FILIP1L: variants seen among roughly 807,000 people sequenced by gnomAD.
The protein encoded by FILIP1L is filamin A interacting protein 1 like.
In FILIP1L, 55 loss-of-function variants were observed where a neutral mutation model predicts 96.6. The ratio of observed to expected loss-of-function variants is 0.57; its 90% CI spans 0.46 to 0.71. The LOEUF is 0.71. Ranked by LOEUF, FILIP1L falls within the 30% of genes least tolerant of loss-of-function variation. The probability of loss-of-function intolerance (pLI) is 0.00; values close to 1 mark genes in which losing one functional copy is unlikely to be tolerated. For synonymous variants in FILIP1L, 467 were observed against 473.9 expected (o/e 0.99, Z 0.19); for missense variants, 1,304 against 1,321.2 (o/e 0.99, Z 0.20).
intron 1 of FILIP1L, among the ~76,000 whole-genome samples, chr3:99,978,453 A>T (rs1002103597): frequency 1.3e-5 from 2 of 152,260 alleles, no homozygotes; most frequent in Non-Finnish European, 2.9e-5. Context: ...CTAGTCAGCC[A>T]TAAAAAAAGA....
intron 1 of FILIP1L, among the ~76,000 whole-genome samples, chr3:99,968,296 G>C (rs1708712846): frequency 6.6e-6 from 1 of 152,126 alleles, no homozygotes; most frequent in East Asian, 1.9e-4. Context: ...AGAAAGTTTG[G>C]TCTTATTGTA....
At chr3:100,087,038 C>T (rs1257642854) in intron 1 of FILIP1L, among the ~76,000 whole-genome samples, 3 of 152,174 alleles carry the variant, frequency 2.0e-5, no homozygotes, top group Non-Finnish European at 2.9e-5. Context: ...ACAGTTTGTT[C>T]CTTTTTGCTG....
At chr3:100,029,263 T>C (rs2064982434) in intron 1 of FILIP1L, among the ~76,000 whole-genome samples, 1 of 151,866 alleles carries the variant, frequency 6.6e-6, no homozygotes, top group Non-Finnish European at 1.5e-5. Flanking sequence ...AAAATTAATT[T>C]TAAAATATAT....
chr3:100,113,760 A>T (rs1346607865), intron 1 of FILIP1L, among the ~76,000 whole-genome samples: 1 of 152,220 alleles, frequency 6.6e-6, no homozygotes, highest in Non-Finnish European at 1.5e-5. Flanking sequence ...TTGACTATCC[A>T]TCTTACTCTT....
At chr3:100,065,596 T>C (rs1235955129) in intron 1 of FILIP1L, among the ~76,000 whole-genome samples, 1 of 152,180 alleles carries the variant, frequency 6.6e-6, no homozygotes. Context: ...TCTTTCTTCC[T>C]AATGAAAAAA....
intron 1 of FILIP1L, among the ~76,000 whole-genome samples, chr3:99,956,707 C>T (rs1178133473): frequency 6.6e-6 from 1 of 152,222 alleles, no homozygotes; most frequent in Admixed American, 6.5e-5. Context: ...TCAAATACCC[C>T]CTTCCCTTCT....
At chr3:99,832,335 A>G (rs1159279179) in intron 5 of FILIP1L, among the ~76,000 whole-genome samples, 2 of 144,196 alleles carry the variant, frequency 1.4e-5, no homozygotes, top group Non-Finnish European at 3.0e-5. Context: ...GGCTCCCGCC[A>G]TTCTCCTGCC....
intron 1 of FILIP1L, among the ~76,000 whole-genome samples, chr3:99,974,436 G>A (rs542990506): frequency 9.9e-5 from 15 of 152,170 alleles, no homozygotes; most frequent in East Asian, 1.9e-4. Context: ...TGGGCTGGGC[G>A]CAGTGGCTCA....
At chr3:99,948,553 G>A (rs1468689858) in intron 1 of FILIP1L, among the ~76,000 whole-genome samples, 1 of 145,168 alleles carries the variant, frequency 6.9e-6, no homozygotes, top group Non-Finnish European at 1.5e-5. Flanking sequence ...GGGGGAGGGG[G>A]AGAAGAAGGA....
intron 1 of FILIP1L, among the ~76,000 whole-genome samples, chr3:99,948,719 AGG>A (rs1415951505): frequency 6.6e-6 from 1 of 151,112 alleles, no homozygotes; most frequent in African/African-American, 2.4e-5. Context: ...AGGAAGGGAA[AGG>A]GAAGTGGAAG....
chr3:99,912,667 C>T (rs371825310), intron 4 of FILIP1L, among the ~76,000 whole-genome samples: 4 of 152,172 alleles, frequency 2.6e-5, no homozygotes, highest in East Asian at 1.9e-4. Context: ...CATGAGCCAC[C>T]GCACCTGGCC....
chr3:100,080,333 T>A (rs1301978139), intron 1 of FILIP1L, among the ~76,000 whole-genome samples: 1 of 151,966 alleles, frequency 6.6e-6, no homozygotes, highest in African/African-American at 2.4e-5. Flanking sequence ...GAAAAAAAAA[T>A]TTAATAACTC....
intron 4 of FILIP1L, among the ~76,000 whole-genome samples, chr3:99,923,760 C>G (rs1258253904): frequency 6.6e-6 from 1 of 152,168 alleles, no homozygotes; most frequent in Non-Finnish European, 1.5e-5. Context: ...CCATTTGCTC[C>G]TTCAGGCCAA....
At chr3:99,932,237 C>G (rs1576582169) in intron 1 of FILIP1L, among the ~76,000 whole-genome samples, 1 of 152,086 alleles carries the variant, frequency 6.6e-6, no homozygotes, top group East Asian at 1.9e-4. Context: ...TTATCATTCC[C>G]CTGTATGTTT....
chr3:99,904,089 GT>G (rs1706531802), intron 4 of FILIP1L, among the ~76,000 whole-genome samples: 1 of 152,164 alleles, frequency 6.6e-6, no homozygotes, highest in Non-Finnish European at 1.5e-5. Flanking sequence ...TGCTTACCTG[GT>G]TTAAGCTGCC....
chr3:99,996,942 C>T (rs557578479), intron 1 of FILIP1L, among the ~76,000 whole-genome samples: 5 of 152,014 alleles, frequency 3.3e-5, no homozygotes, highest in East Asian at 1.9e-4. Context: ...AAAATTTTTT[C>T]GAAACAAATG....
intron 4 of FILIP1L, among the ~76,000 whole-genome samples, chr3:99,855,315 T>G (rs1403525158): frequency 6.6e-6 from 1 of 152,174 alleles, no homozygotes; most frequent in East Asian, 1.9e-4. Context: ...TACATTTTCA[T>G]GCAAAAAGGG....
At chr3:99,830,737 A>G (rs1942644374) in intron 5 of FILIP1L, 132 bp from the exon 6 acceptor site, 1 of 382,002 alleles carries the variant, frequency 2.6e-6, no homozygotes, top group Non-Finnish European at 5.2e-6. Context: ...TATCAGATCA[A>G]AGATCGTCAG....
chr3:99,956,636 C>G (rs566306572), intron 1 of FILIP1L, among the ~76,000 whole-genome samples: 8 of 152,314 alleles, frequency 5.3e-5, no homozygotes, highest in Middle Eastern at 3.4e-3. Flanking sequence ...CGTGAGCCCC[C>G]GCGCCCAGCC....
Sources: allele counts gnomAD v4.1 joint callset (sites outside exome capture counted in the v4.1 genomes callset), GRCh38; gene constraint gnomAD v4.1.1; transcripts MANE v1.5; gene names NCBI Gene and HGNC (gene_info 2026-07-23, HGNC 2026-07-21).